Variants in ESRRG observed in about 807,000 individuals in gnomAD.
ESRRG encodes the protein estrogen-related receptor gamma.
Under a neutral mutation model 44.0 loss-of-function variants are expected in ESRRG, and 13 were observed. That is an observed-to-expected ratio of 0.30 (90% CI 0.19 to 0.47). The LOEUF is 0.47. Ranked by LOEUF, ESRRG falls within the 20% of genes least tolerant of loss-of-function variation. The pLI is 1.00. For synonymous variants in ESRRG, 215 were observed against 214.6 expected (o/e 1.00, Z -0.02); for missense variants, 395 against 580.6 (o/e 0.68, Z 3.29).
chr1:216,872,354 T>G (rs1041232276), intron 2 of ESRRG, among the ~76,000 whole-genome samples: 2 of 152,194 alleles, frequency 1.3e-5, no homozygotes, highest in East Asian at 3.9e-4. Flanking sequence ...GTGTTGGCAT[T>G]TTTTGGCCAT....
At chr1:216,817,691 A>G (rs978477374) in intron 2 of ESRRG, among the ~76,000 whole-genome samples, 7 of 152,234 alleles carry the variant, frequency 4.6e-5, no homozygotes, top group Non-Finnish European at 1.5e-5. Context: ...ATCCTGAAAT[A>G]TTAAAACAGT....
At chr1:216,864,382 C>A (rs1421687438) in intron 2 of ESRRG, 2 of 149,936 alleles carry the variant, frequency 1.3e-5, no homozygotes, top group East Asian at 2.0e-4. Flanking sequence ...ACAAAATTAC[C>A]TATTGAGGAG....
intron 2 of ESRRG, among the ~76,000 whole-genome samples, chr1:216,810,610 A>G (rs1373970744): frequency 6.8e-6 from 1 of 147,736 alleles, no homozygotes; most frequent in African/African-American, 2.5e-5. Flanking sequence ...ATATATCTCC[A>G]TGATATTCTA....
At chr1:217,027,246 G>A (rs560436256) in intron 1 of ESRRG, among the ~76,000 whole-genome samples, 24 of 152,124 alleles carry the variant, frequency 1.6e-4, no homozygotes, top group Non-Finnish European at 2.5e-4. Flanking sequence ...AACCAGAAAA[G>A]AATAAATACA....
chr1:216,682,819 C>T (rs1244270927), intron 1 of ESRRG, among the ~76,000 whole-genome samples: 4 of 151,668 alleles, frequency 2.6e-5, no homozygotes, highest in African/African-American at 9.7e-5. Context: ...ATGACCCCAG[C>T]AGCTCCCATG....
chr1:216,643,967 C>T (rs2066979584), intron 3 of ESRRG, among the ~76,000 whole-genome samples: 1 of 152,106 alleles, frequency 6.6e-6, no homozygotes, highest in Non-Finnish European at 1.5e-5. Flanking sequence ...GCAGGAAAGA[C>T]CTCTTATTTG....
intron 1 of ESRRG, among the ~76,000 whole-genome samples, chr1:217,049,303 AAGG>A (rs1171304039): frequency 1.3e-5 from 2 of 152,182 alleles, no homozygotes; most frequent in Non-Finnish European, 2.9e-5. Flanking sequence ...AATCTCCAAG[AAGG>A]AGAATGAAGC....
At chr1:216,735,871 C>T (rs2089766837) in intron 2 of ESRRG, among the ~76,000 whole-genome samples, 2 of 151,000 alleles carry the variant, frequency 1.3e-5, no homozygotes, top group Admixed American at 6.6e-5. Context: ...CCCAACTACT[C>T]GGGAGGCTGA....
At chr1:216,516,297 T>C (rs1317206682) in intron 6 of ESRRG, among the ~76,000 whole-genome samples, 1 of 152,056 alleles carries the variant, frequency 6.6e-6, no homozygotes, top group East Asian at 1.9e-4. Context: ...TGACATATTG[T>C]TGTTTTGGCC....
intron 3 of ESRRG, among the ~76,000 whole-genome samples, chr1:216,644,444 T>TC (rs2067100900): frequency 2.7e-5 from 4 of 150,388 alleles, no homozygotes; most frequent in Middle Eastern, 3.4e-3. Flanking sequence ...TTTTTTTTTT[T>TC]CTGAGACAGA....
intron 2 of ESRRG, among the ~76,000 whole-genome samples, chr1:216,833,687 A>G (rs1377514502): frequency 2.0e-5 from 3 of 152,184 alleles, no homozygotes; most frequent in Admixed American, 6.6e-5. Context: ...CAAGGTGGTT[A>G]ATCCAATTAC....
At chr1:216,837,908 T>C (rs746217010) in intron 2 of ESRRG, among the ~76,000 whole-genome samples, 2 of 152,186 alleles carry the variant, frequency 1.3e-5, no homozygotes, top group Admixed American at 6.5e-5. Context: ...GTCATTGTTG[T>C]TGTTCCAATA....
intron 2 of ESRRG, among the ~76,000 whole-genome samples, chr1:216,878,682 C>T (rs1176270453): frequency 6.6e-6 from 1 of 152,084 alleles, no homozygotes. Context: ...TTTTTGGTGC[C>T]ACCTTTAGTA....
At chr1:217,015,591 A>G (rs567557429) in intron 1 of ESRRG, among the ~76,000 whole-genome samples, 17 of 152,186 alleles carry the variant, frequency 1.1e-4, no homozygotes, top group African/African-American at 3.6e-4. Flanking sequence ...TGTGTACTCA[A>G]TCATATTTTC....
chr1:216,993,874 T>C (rs1055060630), intron 1 of ESRRG, among the ~76,000 whole-genome samples: 29 of 152,194 alleles, frequency 1.9e-4, no homozygotes, highest in Admixed American at 1.0e-3. Context: ...TTCAGAAAAA[T>C]GGACTTTTAT....
intron 1 of ESRRG, among the ~76,000 whole-genome samples, chr1:216,965,845 A>G (rs147308326): frequency 6.6e-6 from 1 of 152,294 alleles, no homozygotes; most frequent in African/African-American, 2.4e-5. Context: ...CACTACTCTA[A>G]GAAGTCTGTG....
intron 1 of ESRRG, among the ~76,000 whole-genome samples, chr1:217,108,581 C>G (rs1261238493): frequency 6.6e-6 from 1 of 152,062 alleles, no homozygotes; most frequent in Non-Finnish European, 1.5e-5. Context: ...GCACTATCCC[C>G]TTGGTGCTGT....
At chr1:216,846,732 A>T (rs1471276234) in intron 2 of ESRRG, among the ~76,000 whole-genome samples, 3 of 152,112 alleles carry the variant, frequency 2.0e-5, no homozygotes, top group Non-Finnish European at 4.4e-5. Flanking sequence ...CACAATAACA[A>T]AGTCACTAAT....
rs11572729 is a variant in ESRRG, at chr1:216,614,376, A to G, written c.589+36597T>C. Among the ~76,000 whole-genome samples, 82 of 151,648 alleles carry G rather than the reference A, an allele frequency of 5.4e-4. 1 individual carries two copies. The East Asian group carries it at 0.014, about 26-fold the overall frequency. Reference sequence around the variant, plus strand: ...TTTGACATTTGAATACAGTGATTGTACTAGAGTCAAGTCCATTTAAGTGAA... The same window carrying G: ...TTTGACATTTGAATACAGTGATTGTGCTAGAGTCAAGTCCATTTAAGTGAA... On this transcript the variant is annotated intron_variant, in intron 3 of 6. Coordinates refer to ENST00000408911, the MANE Select transcript of ESRRG (RefSeq NM_001438.4).
Sources: allele counts gnomAD v4.1 joint callset (sites outside exome capture counted in the v4.1 genomes callset), GRCh38; gene constraint gnomAD v4.1.1; transcripts MANE v1.5; gene names NCBI Gene and HGNC (gene_info 2026-07-23, HGNC 2026-07-21).